The following INSL6 variants were observed in gnomAD, a reference collection of about 807,000 sequenced individuals.
INSL6 encodes the protein insulin-like peptide INSL6.
In INSL6, 16 loss-of-function variants were observed where a neutral mutation model predicts 9.4. That is an observed-to-expected ratio of 1.70 (90% CI 1.15 to 2.59). The LOEUF (loss-of-function observed/expected upper bound fraction) is 2.59, where lower values mean the gene tolerates loss of function less well. Ranked by LOEUF, INSL6 falls within the 30% of genes most tolerant of loss-of-function variation. INSL6 has a pLI of 0.00. For missense variants in INSL6, 391 were observed against 257.3 expected, an observed-to-expected ratio of 1.52 and a Z score of -3.56; for synonymous variants, 154 against 96.9, an observed-to-expected ratio of 1.59 and a Z score of -3.46.
At chr9:4,997,780 T>A in the INSL6 span, among the ~76,000 whole-genome samples, 1 of 152,242 alleles carries the variant, frequency 6.6e-6, no homozygotes, top group Non-Finnish European at 1.5e-5. Flanking sequence ...AAGAAAATAG[T>A]GCATGATAGT....
chr9:5,111,919 T>C, the INSL6 span: 1 of 349,578 alleles, frequency 2.9e-6, no homozygotes, highest in East Asian at 8.3e-5. Context: ...CTGGCCTCAA[T>C]CTACTCTCCG....
rs146054352 is a variant in INSL6, at chr9:5,185,354, C to G, written c.249G>C (p.Pro83=). 113 of 1,613,948 alleles carry G rather than the reference C, an allele frequency of 7.0e-5. No individual in the cohort carries two copies. The highest frequency in any genetic ancestry group is 1.3e-4 in the Admixed American group (8 of 60,004). Residue 83 remains proline (P), a synonymous_variant, in exon 1 of 2, where the codon CCG becomes CCC. Transcript: ENST00000381641. ...TTCCCCGGGCCGGGGAAGCGGTTTG[C>G]GGGCTTTCGAACTGGTATGGGCTGT... ...EAYSPYQFES[P]QTASPARGRG...
At chr9:5,073,073 C>G in the INSL6 span, among the ~76,000 whole-genome samples, 2 of 152,108 alleles carry the variant, frequency 1.3e-5, no homozygotes, top group Non-Finnish European at 2.9e-5. Context: ...GGCCAGTTGC[C>G]AGAGCTCTGA....
the INSL6 span, among the ~76,000 whole-genome samples, chr9:5,062,816 C>A: frequency 0.34 from 51,440 of 151,932 alleles, 9,262 homozygotes; most frequent in African/African-American, 0.47. Flanking sequence ...TAATTAGAAC[C>A]TGAGATTGAG....
the INSL6 span, among the ~76,000 whole-genome samples, chr9:5,058,465 C>A: frequency 2.2e-4 from 34 of 152,226 alleles, no homozygotes; most frequent in African/African-American, 7.9e-4. Flanking sequence ...GGGAAACAAC[C>A]CCCATGATTC....
the INSL6 span, chr9:5,029,631 G>A: frequency 5.3e-6 from 3 of 565,970 alleles, no homozygotes; most frequent in African/African-American, 5.7e-5. Context: ...TAATTCAGTT[G>A]TAGGGGTTGG....
chr9:5,036,994 A>G, the INSL6 span, among the ~76,000 whole-genome samples: 432 of 152,304 alleles, frequency 2.8e-3, no homozygotes, highest in African/African-American at 0.01. Context: ...AGAATATACA[A>G]TGAACTCTAA....
At chr9:5,044,292 T>A in the INSL6 span, 9 of 696,420 alleles carry the variant, frequency 1.3e-5, no homozygotes, top group East Asian at 2.4e-4. Context: ...TTAGCTGTGT[T>A]TTCTAAGTAT....
At chr9:5,010,069 G>A in the INSL6 span, among the ~76,000 whole-genome samples, 1 of 152,254 alleles carries the variant, frequency 6.6e-6, no homozygotes, top group East Asian at 1.9e-4. Context: ...ATCGCACCTA[G>A]CCTATGTATG....
At chr9:5,073,978 A>G in the INSL6 span, among the ~76,000 whole-genome samples, 2 of 152,204 alleles carry the variant, frequency 1.3e-5, no homozygotes, top group African/African-American at 2.4e-5. Context: ...AATGAAGTTA[A>G]AAGTAGAAGG....
the INSL6 span, chr9:5,113,839 A>G: frequency 5.2e-6 from 1 of 192,760 alleles, no homozygotes; most frequent in South Asian, 9.3e-5. Context: ...CCAGGTCAGT[A>G]CCTTCAGCAT....
At chr9:5,064,792 T>A in the INSL6 span, 2 of 931,600 alleles carry the variant, frequency 2.1e-6, no homozygotes, top group African/African-American at 3.4e-5. Flanking sequence ...AGAAGAAAAT[T>A]GTATTTAACA....
intron 1 of INSL6, among the ~76,000 whole-genome samples, chr9:5,181,227 G>A (rs866496056): frequency 6.6e-6 from 1 of 152,074 alleles, no homozygotes; most frequent in East Asian, 1.9e-4. Flanking sequence ...TGAAGATTTA[G>A]GTTAGTCAAT....
the INSL6 span, among the ~76,000 whole-genome samples, chr9:5,032,596 G>A: frequency 6.6e-6 from 1 of 152,166 alleles, no homozygotes; most frequent in Non-Finnish European, 1.5e-5. Flanking sequence ...ACCAATATCC[G>A]CTGTTCTGCA....
chr9:4,992,841 C>T, the INSL6 span, among the ~76,000 whole-genome samples: 1 of 152,210 alleles, frequency 6.6e-6, no homozygotes, highest in Non-Finnish European at 1.5e-5. Flanking sequence ...TCTGCAACCT[C>T]ACTGGGCACA....
the INSL6 span, among the ~76,000 whole-genome samples, chr9:5,051,531 C>A: frequency 6.6e-6 from 1 of 152,094 alleles, no homozygotes; most frequent in Admixed American, 6.6e-5. Flanking sequence ...TTTACAGATG[C>A]TCTAGGGTAT....
chr9:5,147,819 G>C (rs566843739), intron 2 of INSL6, among the ~76,000 whole-genome samples: 1 of 152,232 alleles, frequency 6.6e-6, no homozygotes, highest in East Asian at 1.9e-4. Context: ...CTTTCCTCGG[G>C]TTGGTGTGTT....
chr9:5,163,757 C>A, downstream of INSL6: 1 of 593,916 alleles, frequency 1.7e-6, no homozygotes, highest in Non-Finnish European at 3.0e-6. Flanking sequence ...AAAGAAAATA[C>A]TAAGATACCT....
At chr9:5,144,243 C>G (rs952810463) in intron 2 of INSL6, among the ~76,000 whole-genome samples, 1 of 152,140 alleles carries the variant, frequency 6.6e-6, no homozygotes, top group African/African-American at 2.4e-5. Flanking sequence ...CTGATTTCTC[C>G]TTCATTTCAT....
Sources: allele counts gnomAD v4.1 joint callset (sites outside exome capture counted in the v4.1 genomes callset), GRCh38; gene constraint gnomAD v4.1.1; transcripts MANE v1.5; gene names NCBI Gene and HGNC (gene_info 2026-07-23, HGNC 2026-07-21).